The following CYP46A1 variants were observed in gnomAD, a reference collection of about 807,000 sequenced individuals.
CYP46A1 encodes cytochrome P450 family 46 subfamily A member 1.
In CYP46A1, 20 loss-of-function variants were observed where a neutral mutation model predicts 63.3. The observed-to-expected ratio is 0.32, with a 90% confidence interval of 0.22 to 0.46. CYP46A1 has a LOEUF of 0.46. CYP46A1 is among the 20% of genes least tolerant of loss of function. The pLI, the probability that CYP46A1 is intolerant of heterozygous loss-of-function variation, is 1.00. For synonymous variants in CYP46A1, 268 were observed against 273.6 expected, an observed-to-expected ratio of 0.98 and a Z score of 0.20; for missense variants, 445 against 670.8, an observed-to-expected ratio of 0.66 and a Z score of 3.72.
chr14:99,701,259 G>A (rs1037145113), intron 5 of CYP46A1, among the ~76,000 whole-genome samples: 2 of 152,222 alleles, frequency 1.3e-5, no homozygotes, highest in African/African-American at 2.4e-5. Flanking sequence ...CTACATTAGC[G>A]TGCAGTAATG....
rs541995020 is a variant in CYP46A1, at chr14:99,691,952, T to C, written c.282+91T>C. ...TGGTCCCAGAGACTTTGGATGAATGTTCCAGAGCCAGGCGCATTTCGGCTG... is the reference window on the plus strand; with the variant it reads ...TGGTCCCAGAGACTTTGGATGAATGCTCCAGAGCCAGGCGCATTTCGGCTG... On this transcript the variant is annotated intron_variant, in intron 3 of 14. Coordinates refer to ENST00000261835, the MANE Select transcript of CYP46A1 (RefSeq NM_006668.2). The C allele has an allele frequency of 8.3e-6, 11 of 1,327,620 alleles. No homozygotes were observed. The East Asian group carries it at 1.2e-4, about 14-fold the overall frequency. 82.2% of individuals were successfully genotyped at this position (1,327,620 alleles called of 1,614,324 possible).
At chr14:99,726,510 CTG>C (rs1229141864) in intron 14 of CYP46A1, 45 bp from the exon 15 acceptor site, 3 of 1,484,022 alleles carry the variant, frequency 2.0e-6, no homozygotes, top group Non-Finnish European at 2.7e-6. Flanking sequence ...CTCACTCATT[CTG>C]TCTTTGCTCC....
Position 99,726,857 on chromosome 14 carries a change from C to G in CYP46A1, c.*130C>G. On this transcript the variant is annotated 3_prime_UTR_variant, in exon 15 of 15. Coordinates refer to ENST00000261835, the MANE Select transcript of CYP46A1 (RefSeq NM_006668.2). ...CCCTTCACGCTGGCTTCCAGCGGGC[C>G]CTCTGCCGACCGCCTGCTTCACACC... The G allele has an allele frequency of 4.2e-6, 3 of 718,380 alleles. No homozygotes were observed. The Admixed American group carries it at 1.0e-4, about 24-fold the overall frequency. The allele number at this position is 718,380 out of a possible 1,614,324, so 44.5% of individuals were successfully genotyped here. A position where few individuals can be genotyped will look rare whatever the true frequency, so the allele number is the denominator to read the frequency against.
chr14:99,717,744 A>C, intron 9 of CYP46A1: 1 of 335,546 alleles, frequency 3.0e-6, no homozygotes, highest in Non-Finnish European at 5.5e-6. Flanking sequence ...TTTTGTGTGC[A>C]CCCTGCATCC....
intron 7 of CYP46A1, chr14:99,710,678 C>T (rs1397267683): frequency 6.6e-6 from 1 of 151,984 alleles, no homozygotes; most frequent in Non-Finnish European, 1.5e-5. Flanking sequence ...AGATAGAAAG[C>T]AAAGATCTAA....
At chr14:99,718,732 G>T (rs949204260) in intron 10 of CYP46A1, among the ~76,000 whole-genome samples, 6 of 152,158 alleles carry the variant, frequency 3.9e-5, no homozygotes, top group Admixed American at 3.9e-4. Flanking sequence ...GGAGCTCTGG[G>T]GAGGTGGGGT....
intron 6 of CYP46A1, 109 bp from the exon 7 acceptor site, chr14:99,707,458 TA>T: frequency 1.3e-6 from 1 of 796,338 alleles, no homozygotes; most frequent in Non-Finnish European, 2.1e-6. Context: ...ATGATGCATA[TA>T]AACCCTTAGC....
At chr14:99,699,975 C>A (rs2056616785) in intron 4 of CYP46A1, 40 bp from the exon 5 acceptor site, 8 of 501,822 alleles carry the variant, frequency 1.6e-5, no homozygotes, top group Middle Eastern at 3.5e-4. Context: ...GCTCCCCACC[C>A]CCCACCCTCT....
At chr14:99,706,001 CATGTA>C (rs2056672580) in intron 5 of CYP46A1, 2 of 152,178 alleles carry the variant, frequency 1.3e-5, no homozygotes, top group South Asian at 2.1e-4. Context: ...ATTTCAGAAA[CATGTA>C]ATGTACAAAA....
chr14:99,721,052 T>A (rs2056841928), intron 10 of CYP46A1, among the ~76,000 whole-genome samples, 187 bp from the exon 11 acceptor site: 1 of 152,208 alleles, frequency 6.6e-6, no homozygotes, highest in Non-Finnish European at 1.5e-5. Flanking sequence ...ATCACACCAC[T>A]GCACTCCAGC....
rs550352631 is a variant in CYP46A1 at position 99,722,063 on chromosome 14, C to G, written c.1173C>G (p.Leu391=). ...DGVRVPGNTP[L]LFSTYVMGRM... is the part of the protein sequence containing the mutation. ...TCAGAGTCCCCGGCAACACCCCGCTCTTGGTGGGTGGAGGCCCTGGGGGTC... is the reference window on the plus strand; with the variant it reads ...TCAGAGTCCCCGGCAACACCCCGCTGTTGGTGGGTGGAGGCCCTGGGGGTC... Residue 391 remains leucine (L), a synonymous_variant, in exon 12 of 15, where the codon CTC becomes CTG. Transcript: ENST00000261835. The surrounding 1 kb of genome is among the most constrained non-coding windows in gnomAD (Gnocchi z 4.6). The G allele has an allele frequency of 1.1e-3, 1,702 of 1,610,996 alleles. 26 individuals carry two copies. The South Asian group carries it at 0.017, about 16-fold the overall frequency.
intron 5 of CYP46A1, chr14:99,706,424 A>T (rs2056676503): frequency 5.5e-6 from 3 of 545,604 alleles, no homozygotes; most frequent in East Asian, 6.3e-5. Context: ...AGAGCAAGGG[A>T]ACAGCATCCA....
chr14:99,721,151 G>A (rs183542776), intron 10 of CYP46A1, 88 bp from the exon 11 acceptor site: 39 of 905,928 alleles, frequency 4.3e-5, no homozygotes, highest in African/African-American at 3.6e-4. Flanking sequence ...CTCTCTTCAC[G>A]CTTCCTTCCA....
At chr14:99,708,295 A>C in intron 7 of CYP46A1, 1 of 174,042 alleles carries the variant, frequency 5.7e-6, no homozygotes, top group South Asian at 1.1e-4. Context: ...CACGGGCCTG[A>C]GGAATGGTCT....
At chr14:99,699,710 C>T (rs1050463530) in intron 4 of CYP46A1, among the ~76,000 whole-genome samples, 171 bp downstream of exon 4, 4 of 152,124 alleles carry the variant, frequency 2.6e-5, no homozygotes, top group African/African-American at 9.7e-5. Flanking sequence ...CGAGCAGTTT[C>T]CTCCTTCTCC....
At chr14:99,721,181 A>G (rs1041312853) in intron 10 of CYP46A1, 58 bp from the exon 11 acceptor site, 5 of 1,295,380 alleles carry the variant, frequency 3.9e-6, no homozygotes, top group Non-Finnish European at 5.6e-6. Context: ...TCTTAAAGCT[A>G]AGTAAGTCGG....
intron 1 of CYP46A1, among the ~76,000 whole-genome samples, chr14:99,689,218 A>C (rs1206810367): frequency 6.6e-6 from 1 of 152,160 alleles, no homozygotes; most frequent in African/African-American, 2.4e-5. Flanking sequence ...GTCCCAAGCC[A>C]AGCTCCTAAT....
intron 5 of CYP46A1, 53 bp downstream of exon 5, chr14:99,700,154 C>A: frequency 6.9e-7 from 1 of 1,442,648 alleles, no homozygotes; most frequent in South Asian, 1.3e-5. Flanking sequence ...GCAGTAGGGG[C>A]TGCCGAAGTG....
intron 7 of CYP46A1, among the ~76,000 whole-genome samples, chr14:99,714,950 A>C (rs1027534720): frequency 6.6e-6 from 1 of 152,148 alleles, no homozygotes; most frequent in Non-Finnish European, 1.5e-5. Context: ...GAGCTAAAAA[A>C]GTTGATCTCA....
Sources: gnomAD v4.1 joint callset for allele counts (sites outside exome capture counted in the v4.1 genomes callset) on GRCh38, gnomAD v4.1.1 for gene constraint, Gnocchi (gnomAD v3.1) non-coding constraint, MANE v1.5 for transcripts, NCBI Gene and HGNC (gene_info 2026-07-23, HGNC 2026-07-21) for gene names.